ESR2: variants seen among roughly 807,000 people sequenced by gnomAD.
ESR2 encodes the protein estrogen receptor beta.
Under a neutral mutation model 49.6 loss-of-function variants are expected in ESR2, and 36 were observed. The observed-to-expected ratio is 0.73, with a 90% CI of 0.56 to 0.96. ESR2 has a LOEUF of 0.96. Ranked by LOEUF, ESR2 falls within the 40% of genes least tolerant of loss-of-function variation. The pLI is 0.00. For synonymous variants in ESR2, 320 were observed against 266.1 expected (o/e 1.20, Z -1.97); for missense variants, 714 against 693.0 (o/e 1.03, Z -0.34).
In ESR2 at chr14:64,229,723, G is replaced by A. The variant is rs919476040; in HGVS notation, c.*3414C>T. Among the ~76,000 whole-genome samples the A allele has an allele frequency of 2.6e-5, 4 of 152,196 alleles. No homozygotes were observed. The highest frequency in any genetic ancestry group is 7.2e-5 in the African/African-American group (3 of 41,442). On this transcript the variant is annotated 3_prime_UTR_variant, in exon 9 of 9. Coordinates refer to ENST00000341099, the MANE Select transcript of ESR2 (RefSeq NM_001437.3). ...GACCTTCAGCAAGTTTGCTTAGACC[G>A]TGTCTAGTTCCACAACCAGAAAATA...
rs2076199364 is a variant in ESR2, at chr14:64,260,682, T to G, written c.719A>C (p.His240Pro). ...ACTTCTCTTGGCCTTGCCGGCACAG[T>G]GCAGCTGCTCGTCGGCACTTCTCTG... ...RRQRSADEQL[H>P]CAGKAKRSGG... The change falls in exon 5 of 9, where the codon CAC (histidine) becomes CCC (proline). Residue 240 changes from histidine to proline, a missense_variant. Coordinates refer to ENST00000341099, the MANE Select transcript of ESR2 (RefSeq NM_001437.3). 1.3e-6 allele frequency: 2 copies of G among 1,556,722 alleles called. No homozygotes were observed. Among genetic ancestry groups the G allele is most frequent in the East Asian group, 4.7e-5 (2 of 42,176 alleles).
chr14:64,283,610 G>A (rs190097675), intron 1 of ESR2, among the ~76,000 whole-genome samples: 94 of 151,794 alleles, frequency 6.2e-4, no homozygotes, highest in Admixed American at 1.8e-3. Flanking sequence ...AATTAGCCAG[G>A]AATGGTGGCA....
intron 4 of ESR2, among the ~76,000 whole-genome samples, chr14:64,263,564 G>A (rs1035757061): frequency 1.1e-4 from 16 of 152,082 alleles, no homozygotes; most frequent in African/African-American, 3.9e-4. Context: ...GGCTGAGGCA[G>A]GAGAGTCGCA....
intron 4 of ESR2, 100 bp from the exon 5 acceptor site, chr14:64,260,848 A>G (rs2076206330): frequency 8.9e-7 from 1 of 1,128,768 alleles, no homozygotes; most frequent in Admixed American, 3.1e-5. Flanking sequence ...GGCACGTACC[A>G]AAGATTACTA....
At chr14:64,317,138 C>T (rs1407528862) in intron 1 of ESR2, among the ~76,000 whole-genome samples, 3 of 152,200 alleles carry the variant, frequency 2.0e-5, no homozygotes, top group South Asian at 2.1e-4. Context: ...TGGTGGCACA[C>T]ACCTGTAGTT....
intron 7 of ESR2, among the ~76,000 whole-genome samples, chr14:64,244,429 CTAAG>C (rs2075806839): frequency 6.6e-6 from 1 of 151,658 alleles, no homozygotes; most frequent in Non-Finnish European, 1.5e-5. Flanking sequence ...GAACAGTGGA[CTAAG>C]TAAGGAAGAT....
At chr14:64,245,378 G>C (rs1283333098) in intron 7 of ESR2, among the ~76,000 whole-genome samples, 1 of 151,882 alleles carries the variant, frequency 6.6e-6, no homozygotes. Context: ...CAGGCGTGGT[G>C]GTGGGTGCCT....
At position 64,253,604 on chromosome 14, in the gene ESR2, G is replaced by GTATATA. The variant is rs10696080; in HGVS notation, c.1091+3621_1091+3622insTATATA. Among the ~76,000 whole-genome samples the GTATATA allele has an allele frequency of 7.6e-3, 1,086 of 142,886 alleles. 7 individuals are homozygous for GTATATA. Among genetic ancestry groups the GTATATA allele is most frequent in the Non-Finnish European group, 0.011 (738 of 66,236 alleles). The allele number at this position is 142,886 out of a possible 152,430, so 93.7% of individuals were successfully genotyped here. ...TGTGTGTGTGTGTGTGTGTGTGTGT[G>GTATATA]TATGTATGTGTGTGTATATATATAT... On this transcript the variant is annotated intron_variant, in intron 6 of 8. Transcript: ENST00000341099.
At chr14:64,292,434 T>C (rs559499264) in intron 1 of ESR2, among the ~76,000 whole-genome samples, 36 of 152,314 alleles carry the variant, frequency 2.4e-4, no homozygotes, top group Non-Finnish European at 4.4e-4. Context: ...TAGAGGTACA[T>C]TTACAGAGGC....
chr14:64,288,295 C>T (rs1452179056), intron 1 of ESR2, among the ~76,000 whole-genome samples: 1 of 148,178 alleles, frequency 6.7e-6, no homozygotes, highest in Non-Finnish European at 1.5e-5. Flanking sequence ...GATTCATGGA[C>T]AAGAAAAAGT....
chr14:64,333,034 G>A (rs192561501), intron 1 of ESR2, among the ~76,000 whole-genome samples: 4,712 of 151,238 alleles, frequency 0.031, 117 homozygotes, highest in Non-Finnish European at 0.05. Flanking sequence ...CCACCACCAC[G>A]CCCAGCTAAT....
chr14:64,302,200 A>ATTTT (rs1555593284), intron 1 of ESR2, among the ~76,000 whole-genome samples: 10 of 146,892 alleles, frequency 6.8e-5, no homozygotes, highest in African/African-American at 2.0e-4. Flanking sequence ...TTATTTATTT[A>ATTTT]TTTTTTGAGA....
chr14:64,254,957 T>C (rs2076069063), intron 6 of ESR2, among the ~76,000 whole-genome samples: 1 of 152,118 alleles, frequency 6.6e-6, no homozygotes, highest in Non-Finnish European at 1.5e-5. Flanking sequence ...ATAAAGGCAG[T>C]GTAAGTCTAT....
chr14:64,274,719 T>C (rs2076522400), intron 3 of ESR2, among the ~76,000 whole-genome samples: 1 of 152,208 alleles, frequency 6.6e-6, no homozygotes, highest in South Asian at 2.1e-4. Context: ...CAAGATTTTC[T>C]ACTTTTTAGA....
chr14:64,336,505 C>T (rs2077534070), intron 1 of ESR2: 1 of 152,196 alleles, frequency 6.6e-6, no homozygotes, highest in African/African-American at 2.4e-5. Flanking sequence ...ACACATTTTT[C>T]ACCTGTCTTG....
chr14:64,246,746 A>C lies in ESR2; in HGVS notation c.1225+2800T>G, dbSNP rs1047589468. On this transcript the variant is annotated intron_variant, in intron 7 of 8. Transcript: ENST00000341099. ...AGGAAGACTCTGTCAAAAAAAAAAA[A>C]AAAAAAAAAAAAAAAAAAAAACACA... Among the ~76,000 whole-genome samples the C allele has an allele frequency of 1.2e-3, 178 of 142,626 alleles. 2 individuals are homozygous for C. The highest frequency in any genetic ancestry group is 4.7e-3 in the African/African-American group (173 of 36,478). 93.6% of individuals were successfully genotyped at this position (142,626 alleles called of 152,430 possible).
chr14:64,266,665 GTCACTTTTCTGCATAAACATACAC>G (rs1478446264), intron 4 of ESR2, among the ~76,000 whole-genome samples: 13 of 152,194 alleles, frequency 8.5e-5, no homozygotes, highest in African/African-American at 2.7e-4. Flanking sequence ...ATTAGACAAA[GTCACTTTTCTGCATAAACATACAC>G]ATAAGATATT....
In ESR2 at chr14:64,231,574, GATT is replaced by G. The variant is rs1459750778; in HGVS notation, c.*1560_*1562del. The G allele has an allele frequency of 1.3e-5, 2 of 152,124 alleles. No homozygotes were observed. The highest frequency in any genetic ancestry group is 4.8e-5 in the African/African-American group (2 of 41,418). 9.4% of individuals were successfully genotyped at this position (152,124 alleles called of 1,614,324 possible). On this transcript the variant is annotated 3_prime_UTR_variant, in exon 9 of 9. Transcript: ENST00000341099. ...AAATTGCACCAATATCAAAATTATG[GATT>G]ATTCGAGGTCTTACTAGCAAAAACC...
At chr14:64,283,509 A>G (rs1338052775) in intron 1 of ESR2, among the ~76,000 whole-genome samples, 1 of 152,130 alleles carries the variant, frequency 6.6e-6, no homozygotes, top group Non-Finnish European at 1.5e-5. Context: ...CTGTAATCCC[A>G]ATACTTTGGG....
Sources: gnomAD v4.1 joint callset for allele counts (sites outside exome capture counted in the v4.1 genomes callset) on GRCh38, gnomAD v4.1.1 for gene constraint, MANE v1.5 for transcripts, NCBI Gene and HGNC (gene_info 2026-07-23, HGNC 2026-07-21) for gene names.